Variants in NAV2 observed in about 807,000 individuals in gnomAD.
NAV2 encodes the protein neuron navigator 2.
NAV2 carries 54 observed loss-of-function variants against 223.2 expected under a neutral mutation model. That is an observed-to-expected ratio of 0.24 (90% CI 0.19 to 0.30). NAV2 has a LOEUF of 0.30. NAV2 is among the 10% of genes least tolerant of loss of function. NAV2 has a pLI of 1.00. For missense variants in NAV2, 2,806 were observed against 3,147.5 expected (o/e 0.89, Z 2.60); for synonymous variants, 1,279 against 1,239.3 (o/e 1.03, Z -0.67).
chr11:19,837,363 C>T lies in NAV2; in HGVS notation c.385+4762C>T, dbSNP rs138795060. Among the ~76,000 whole-genome samples, 6 of 152,266 alleles carry T rather than the reference C, an allele frequency of 3.9e-5. No individual in the cohort carries two copies. In the East Asian group the frequency reaches 5.8e-4, roughly 15 times the overall value. ...TGGGAGTTAAGGCAAGAATCATCAA[C>T]GGATGCTGAAATCTAGAGGGGGAAA... On this transcript the variant is annotated intron_variant, in intron 2 of 37. Coordinates refer to ENST00000349880, the MANE Select transcript of NAV2 (RefSeq NM_145117.5).
intron 1 of NAV2, among the ~76,000 whole-genome samples, chr11:19,420,597 T>C (rs1414747460): frequency 6.6e-6 from 1 of 152,130 alleles, no homozygotes. Flanking sequence ...CATGCAACAG[T>C]ATGGATCAAT....
chr11:19,609,879 C>T (rs939427919), intron 1 of NAV2, among the ~76,000 whole-genome samples: 10 of 152,194 alleles, frequency 6.6e-5, no homozygotes, highest in Non-Finnish European at 1.5e-4. Flanking sequence ...TTAAGTCATG[C>T]GTCACTGAAA....
chr11:19,704,385 C>G (rs537034472), intron 1 of NAV2, among the ~76,000 whole-genome samples: 5 of 152,256 alleles, frequency 3.3e-5, no homozygotes, highest in African/African-American at 9.6e-5. Context: ...ATTATCATTT[C>G]CATGCTTATC....
upstream of NAV2, chr11:19,712,528 G>A (rs2152310635): frequency 6.6e-6 from 1 of 152,366 alleles, no homozygotes; most frequent in East Asian, 1.9e-4. Flanking sequence ...CTTCCCTCGA[G>A]CCGTGCCCGC....
At chr11:19,393,752 TC>T (rs201137256) in intron 1 of NAV2, among the ~76,000 whole-genome samples, 2 of 152,150 alleles carry the variant, frequency 1.3e-5, no homozygotes, top group African/African-American at 4.8e-5. Context: ...TGGATTTTCT[TC>T]TTTTTTCTCT....
intron 1 of NAV2, among the ~76,000 whole-genome samples, chr11:19,488,164 G>A (rs991458795): frequency 6.6e-6 from 1 of 152,168 alleles, no homozygotes; most frequent in Non-Finnish European, 1.5e-5. Flanking sequence ...GTAAAATAAA[G>A]GGGTTGGGTT....
chr11:19,935,864 T>TTTTTTTTTTTTTTG lies in NAV2; in HGVS notation c.2033+1598_2033+1599insTTGTTTTTTTTTTT, dbSNP rs1353477125. Among the ~76,000 whole-genome samples, 362 of 101,160 alleles carry TTTTTTTTTTTTTTG rather than the reference T, an allele frequency of 3.6e-3. 11 individuals are homozygous for TTTTTTTTTTTTTTG. Among genetic ancestry groups the TTTTTTTTTTTTTTG allele is most frequent in the Admixed American group, 0.03 (281 of 9,484 alleles). 66.4% of individuals were successfully genotyped at this position (101,160 alleles called of 152,430 possible). A position where few individuals can be genotyped will look rare whatever the true frequency, so the allele number is the denominator to read the frequency against. On this transcript the variant is annotated intron_variant, in intron 7 of 37. Coordinates refer to ENST00000349880, the MANE Select transcript of NAV2 (RefSeq NM_145117.5). ...TGTTTTGTTTCTGTTTTTTTTTTTTTTTTTTTTTTTTGAGATGGAGTGTCG... is the reference window on the plus strand; with the variant it reads ...TGTTTTGTTTCTGTTTTTTTTTTTTTTTTTTTTTTTTTTGTTTTTTTTTTTGAGATGGAGTGTCG...
At chr11:19,400,590 C>T (rs912845655) in intron 1 of NAV2, among the ~76,000 whole-genome samples, 2 of 152,172 alleles carry the variant, frequency 1.3e-5, no homozygotes, top group Non-Finnish European at 2.9e-5. Flanking sequence ...GCCTAAGTCT[C>T]CTTCCTTAAA....
intron 1 of NAV2, among the ~76,000 whole-genome samples, chr11:19,403,354 A>G (rs1167624724): frequency 6.6e-6 from 1 of 152,292 alleles, no homozygotes; most frequent in South Asian, 2.1e-4. Flanking sequence ...CTCTAGTGCA[A>G]TAACAGGAGA....
intron 1 of NAV2, among the ~76,000 whole-genome samples, chr11:19,688,551 A>C (rs2049084711): frequency 6.6e-6 from 1 of 152,222 alleles, no homozygotes; most frequent in Non-Finnish European, 1.5e-5. Flanking sequence ...CAAAACAAGG[A>C]GAATTATTAA....
intron 19 of NAV2, among the ~76,000 whole-genome samples, chr11:20,059,249 C>A (rs1204835372): frequency 6.6e-6 from 1 of 152,118 alleles, no homozygotes; most frequent in Non-Finnish European, 1.5e-5. Context: ...AGAAGTAGAT[C>A]GTGATGCCTA....
chr11:19,737,607 A>G (rs1014922673), intron 1 of NAV2, among the ~76,000 whole-genome samples: 19 of 152,222 alleles, frequency 1.2e-4, no homozygotes, highest in Non-Finnish European at 1.5e-4. Context: ...TTCCAGTTCC[A>G]TGTCCCTATG....
chr11:19,596,386 A>G (rs1383439918), intron 1 of NAV2, among the ~76,000 whole-genome samples: 3 of 152,126 alleles, frequency 2.0e-5, no homozygotes, highest in African/African-American at 4.8e-5. Context: ...CCTTCAATTC[A>G]CCGGCTCCCC....
intron 11 of NAV2, among the ~76,000 whole-genome samples, chr11:20,035,102 C>T (rs897955788): frequency 5.3e-5 from 8 of 151,934 alleles, no homozygotes; most frequent in African/African-American, 9.7e-5. Flanking sequence ...CTGCTGCGGG[C>T]GGATGGACCA....
chr11:19,800,675 GT>G (rs2058196129), intron 1 of NAV2, among the ~76,000 whole-genome samples: 1 of 109,926 alleles, frequency 9.1e-6, no homozygotes. Context: ...GAGAATGGGT[GT>G]GTGTGTGTGT....
intron 3 of NAV2, among the ~76,000 whole-genome samples, chr11:19,844,985 C>T (rs1471080784): frequency 6.6e-6 from 1 of 152,028 alleles, no homozygotes; most frequent in Admixed American, 6.6e-5. Context: ...AAACTTCTGC[C>T]ACAGTCATTC....
intron 1 of NAV2, among the ~76,000 whole-genome samples, chr11:19,704,199 T>C (rs2049593258): frequency 1.3e-5 from 2 of 152,118 alleles, no homozygotes; most frequent in Admixed American, 1.3e-4. Context: ...TGGTGATCTT[T>C]CCTTGCCTTA....
chr11:19,790,827 G>C (rs2057466734), intron 1 of NAV2, among the ~76,000 whole-genome samples: 2 of 151,982 alleles, frequency 1.3e-5, no homozygotes, highest in African/African-American at 4.8e-5. Flanking sequence ...GGGAATATTA[G>C]GGCTGGATCT....
chr11:20,105,822 G>A, intron 35 of NAV2, 95 bp downstream of exon 35: 1 of 976,288 alleles, frequency 1.0e-6, no homozygotes, highest in Non-Finnish European at 1.6e-6. Context: ...GGCACAGTCA[G>A]CAGAAGCTGG....
Sources: gnomAD v4.1 joint callset for allele counts (sites outside exome capture counted in the v4.1 genomes callset) on GRCh38, gnomAD v4.1.1 for gene constraint, MANE v1.5 for transcripts, NCBI Gene and HGNC (gene_info 2026-07-23, HGNC 2026-07-21) for gene names.